Variants in TRPC4AP observed in about 807,000 individuals in gnomAD.
The protein encoded by TRPC4AP is short transient receptor potential channel 4-associated protein.
In TRPC4AP, 45 loss-of-function variants were observed where a neutral mutation model predicts 99.0. The ratio of observed to expected loss-of-function variants is 0.45; its 90% CI spans 0.36 to 0.58. The LOEUF is 0.58. Among genes scored for constraint, TRPC4AP ranks in the 20% least tolerant of loss-of-function variants. The pLI, the probability that TRPC4AP is intolerant of heterozygous loss-of-function variation, is 0.00. For synonymous variants in TRPC4AP, 408 were observed against 385.8 expected (o/e 1.06, Z -0.67); for missense variants, 879 against 985.3 (o/e 0.89, Z 1.44).
chr20:35,084,223 T>C (rs904038296), intron 1 of TRPC4AP, among the ~76,000 whole-genome samples: 26 of 151,190 alleles, frequency 1.7e-4, no homozygotes, highest in Admixed American at 3.3e-4. Flanking sequence ...GGAGCCGAGA[T>C]TGCGCCATTC....
intron 3 of TRPC4AP, among the ~76,000 whole-genome samples, chr20:35,068,946 T>TACACAC (rs71196783): frequency 6.0e-4 from 68 of 113,178 alleles, no homozygotes; most frequent in Non-Finnish European, 5.3e-4. Flanking sequence ...GGGGAATATT[T>TACACAC]ACACACACAC....
At chr20:35,036,702 T>C (rs972894770) in intron 7 of TRPC4AP, among the ~76,000 whole-genome samples, 5 of 151,880 alleles carry the variant, frequency 3.3e-5, no homozygotes, top group Non-Finnish European at 7.4e-5. Context: ...ATCCTAGCAC[T>C]TTGGGAGGCC....
chr20:35,092,461 C>G (rs2085100632), intron 1 of TRPC4AP, among the ~76,000 whole-genome samples, 153 bp downstream of exon 1: 1 of 152,242 alleles, frequency 6.6e-6, no homozygotes, highest in Non-Finnish European at 1.5e-5. Context: ...CCCGCTGCAG[C>G]TGAGAGCGTC....
rs181172530 is a variant in TRPC4AP at position 35,035,155 on chromosome 20, C to T, written c.1019G>A (p.Arg340Gln). The T allele has an allele frequency of 2.0e-5, 32 of 1,613,790 alleles. No homozygotes were observed. The highest frequency in any genetic ancestry group is 6.7e-5 in the East Asian group (3 of 44,886). Residue 340 changes from arginine to glutamine, a missense_variant, in exon 8 of 19, where the codon CGA (arginine) becomes CAA (glutamine). Around this residue, in one of 3 missense-constraint regions of TRPC4AP, gnomAD observed 603 missense variants for 631.8 expected, o/e 0.95. Transcript: ENST00000252015. ...GTGCTCTGACTCCTCATTGGCCACT[C>T]GCATCAGGGCATCTAGCACCAAAGC... ...DNALVLDALM[R>Q]VANEESEHNQ...
Position 35,007,792 on chromosome 20 carries a change from G to A in TRPC4AP, c.1596-152C>T, listed in dbSNP as rs2082545386. 8 of 773,684 alleles carry A rather than the reference G, an allele frequency of 1.0e-5. No homozygotes were observed. The East Asian group carries it at 2.2e-4, about 21-fold the overall frequency. The allele number at this position is 773,684 out of a possible 1,614,324, so 47.9% of individuals were successfully genotyped here. On this transcript the variant is annotated intron_variant, in intron 13 of 18. Transcript: ENST00000252015. ...CATCAGGCTTCATCCTGGGCCTGGG[G>A]ACACAGCAGTGCCCCCATCCTCACA...
intron 2 of TRPC4AP, among the ~76,000 whole-genome samples, chr20:35,075,012 G>T (rs183637277): frequency 6.6e-6 from 1 of 152,090 alleles, no homozygotes; most frequent in Non-Finnish European, 1.5e-5. Flanking sequence ...TTACCATTAT[G>T]TAATGGCCTT....
At chr20:35,086,537 G>GTATATGTATA (rs1289641922) in intron 1 of TRPC4AP, among the ~76,000 whole-genome samples, 1 of 65,038 alleles carries the variant, frequency 1.5e-5, no homozygotes, top group Admixed American at 1.7e-4. Context: ...GTGTGTGTGT[G>GTATATGTATA]TGTGTGTGTG....
chr20:35,081,630 T>C (rs1162926851), intron 1 of TRPC4AP, among the ~76,000 whole-genome samples: 1 of 152,070 alleles, frequency 6.6e-6, no homozygotes, highest in Non-Finnish European at 1.5e-5. Flanking sequence ...TGGGAAATAA[T>C]ACTCAATGTA....
In TRPC4AP at chr20:35,003,080, G is replaced by T; in HGVS notation, c.*66C>A. 6.3e-7 allele frequency: 1 copy of T among 1,593,676 alleles called. No individual in the cohort carries two copies. The highest frequency in any genetic ancestry group is 1.3e-5 in the African/African-American group (1 of 74,748). Reference sequence around the variant, plus strand: ...GCAGGGAGGAACGGGAACAGGGCAGGGCGTGTGGCATCGTACCCACGCTCA... The same window carrying T: ...GCAGGGAGGAACGGGAACAGGGCAGTGCGTGTGGCATCGTACCCACGCTCA... On this transcript the variant is annotated 3_prime_UTR_variant, in exon 19 of 19. Transcript: ENST00000252015.
rs577893479 is a variant in TRPC4AP at position 35,087,310 on chromosome 20, G to A, written c.168+5304C>T. 3.7e-4 allele frequency among the ~76,000 whole-genome samples: 55 copies of A among 148,278 alleles called. 1 individual carries two copies. The highest frequency in any genetic ancestry group is 1.4e-3 in the African/African-American group (54 of 39,492). ...GCTGAGATTGCACCATTGCCCTCCA[G>A]CCTGGGCAACAGAGCGAGACTCCAT... On this transcript the variant is annotated intron_variant, in intron 1 of 18. Transcript: ENST00000252015.
intron 9 of TRPC4AP, among the ~76,000 whole-genome samples, chr20:35,020,526 A>C (rs902688182): frequency 1.3e-5 from 2 of 152,032 alleles, no homozygotes; most frequent in African/African-American, 2.4e-5. Context: ...GGGTAACTGC[A>C]CCTCTGTTGC....
At chr20:35,056,506 TC>T (rs2083828355) in intron 4 of TRPC4AP, among the ~76,000 whole-genome samples, 3 of 59,536 alleles carry the variant, frequency 5.0e-5, no homozygotes, top group Admixed American at 2.2e-4. Flanking sequence ...ATATAAATCC[TC>T]TTAATAACCA....
At position 35,078,093 on chromosome 20, in the gene TRPC4AP, T is replaced by A. The variant is rs761041142; in HGVS notation, c.250A>T (p.Thr84Ser). ...IPQLLLKLHT[T>S]SHLHSDFVEC... Reference sequence around the variant, plus strand: ...ACAAAGTCACTGTGGAGGTGGCTGGTGGTGTGCAGCTTGAGGAGCAGCTGA... The same window carrying A: ...ACAAAGTCACTGTGGAGGTGGCTGGAGGTGTGCAGCTTGAGGAGCAGCTGA... Residue 84 changes from threonine (T) to serine (S), a missense_variant, in exon 2 of 19, where the codon ACC becomes TCC. Thr to Ser is a moderately conservative substitution (Grantham distance 58). This residue lies in a region of TRPC4AP where 603 missense variants were observed against 631.8 expected (regional missense o/e 0.95). Coordinates refer to ENST00000252015, the MANE Select transcript of TRPC4AP (RefSeq NM_015638.3). The A allele has an allele frequency of 1.4e-5, 23 of 1,613,938 alleles. 1 individual carries two copies. The South Asian group carries it at 2.5e-4, about 18-fold the overall frequency.
At chr20:35,009,912 A>G (rs2082594516) in intron 12 of TRPC4AP, among the ~76,000 whole-genome samples, 1 of 152,246 alleles carries the variant, frequency 6.6e-6, no homozygotes, top group East Asian at 1.9e-4. Flanking sequence ...GGCAGTGCGG[A>G]GCACACATGA....
intron 1 of TRPC4AP, among the ~76,000 whole-genome samples, chr20:35,080,455 T>C (rs554333713): frequency 1.3e-5 from 2 of 148,150 alleles, no homozygotes; most frequent in Non-Finnish European, 3.0e-5. Context: ...GAGCCAAGAC[T>C]GCGCCACTGC....
chr20:35,080,830 T>G (rs2146024116), intron 1 of TRPC4AP, among the ~76,000 whole-genome samples: 1 of 152,050 alleles, frequency 6.6e-6, no homozygotes, highest in African/African-American at 2.4e-5. Context: ...CCCTTTTATC[T>G]CCTTAGTTTA....
At position 35,016,249 on chromosome 20, in the gene TRPC4AP, G is replaced by C; in HGVS notation, c.1219-110C>G. The C allele has an allele frequency of 3.0e-6, 4 of 1,318,098 alleles. No individual in the cohort carries two copies. The South Asian group carries it at 3.9e-5, about 13-fold the overall frequency. The allele number at this position is 1,318,098 out of a possible 1,614,324, so 81.7% of individuals were successfully genotyped here. On this transcript the variant is annotated intron_variant, in intron 9 of 18. Coordinates refer to ENST00000252015, the MANE Select transcript of TRPC4AP (RefSeq NM_015638.3). Reference sequence around the variant, plus strand: ...GATATTCAGGACAAGTATCAGTACTGTCAGTAAGGAGGGCCAGGGTCTGAA... The same window carrying C: ...GATATTCAGGACAAGTATCAGTACTCTCAGTAAGGAGGGCCAGGGTCTGAA...
intron 1 of TRPC4AP, among the ~76,000 whole-genome samples, chr20:35,083,903 ACTAAACTG>A (rs778379583): frequency 3.9e-5 from 6 of 152,002 alleles, no homozygotes; most frequent in Non-Finnish European, 7.4e-5. Context: ...AAGCAGCTAA[ACTAAACTG>A]CTAAACTGCT....
At chr20:35,069,177 A>C (rs748067251) in intron 3 of TRPC4AP, 119 bp downstream of exon 3, 7 of 658,640 alleles carry the variant, frequency 1.1e-5, no homozygotes, top group Non-Finnish European at 1.9e-5. Context: ...TAAGCTTCTA[A>C]AAGTTAAAAT....
Sources: gnomAD v4.1 joint callset for allele counts (sites outside exome capture counted in the v4.1 genomes callset) on GRCh38, gnomAD v4.1.1 for gene constraint, gnomAD v4.1.1 regional missense constraint, MANE v1.5 for transcripts, NCBI Gene and HGNC (gene_info 2026-07-23, HGNC 2026-07-21) for gene names.